Variants in RAPGEF5 observed in about 807,000 individuals in gnomAD.
RAPGEF5 encodes the protein M-Ras-regulated GEF.
RAPGEF5 carries 65 observed loss-of-function variants against 125.2 expected under a neutral mutation model. That is an observed-to-expected ratio of 0.52 (90% CI 0.43 to 0.64). The LOEUF is 0.64. Among genes scored for constraint, RAPGEF5 ranks in the 30% least tolerant of loss-of-function variants. RAPGEF5 has a pLI of 0.00. For missense variants in RAPGEF5, 958 were observed against 1,048.1 expected (o/e 0.91, Z 1.19); for synonymous variants, 391 against 385.9 (o/e 1.01, Z -0.16).
chr7:22,135,136 C>G (rs570330896), intron 23 of RAPGEF5, among the ~76,000 whole-genome samples: 1 of 152,290 alleles, frequency 6.6e-6, no homozygotes, highest in Non-Finnish European at 1.5e-5. Context: ...ATGGCCAGGC[C>G]AACCAGCAAT....
chr7:22,199,960 C>A (rs1373356191), intron 9 of RAPGEF5, among the ~76,000 whole-genome samples: 1 of 152,152 alleles, frequency 6.6e-6, no homozygotes, highest in African/African-American at 2.4e-5. Context: ...AGAGTCAGGG[C>A]TATGCTCTGC....
Position 22,154,044 on chromosome 7 carries a change from T to C in RAPGEF5, c.1786+411A>G, listed in dbSNP as rs10225612. Among the ~76,000 whole-genome samples, 741 of 152,260 alleles carry C rather than the reference T, an allele frequency of 4.9e-3. 7 individuals are homozygous for C. Among genetic ancestry groups the C allele is most frequent in the African/African-American group, 0.017 (710 of 41,548 alleles). On this transcript the variant is annotated intron_variant, in intron 17 of 25. Coordinates refer to ENST00000665637, the MANE Select transcript of RAPGEF5 (RefSeq NM_012294.5). Reference sequence around the variant, plus strand: ...GCTTATTGTACAGTTTGTCTTTCAATAGGGAGTCTTTAACTATTAAATTGT... The same window carrying C: ...GCTTATTGTACAGTTTGTCTTTCAACAGGGAGTCTTTAACTATTAAATTGT...
chr7:22,320,283 G>C (rs1783689425), intron 1 of RAPGEF5, among the ~76,000 whole-genome samples: 1 of 152,110 alleles, frequency 6.6e-6, no homozygotes, highest in African/African-American at 2.4e-5. Context: ...ACTCAGTCAA[G>C]CACTGACTCC....
intron 7 of RAPGEF5, among the ~76,000 whole-genome samples, chr7:22,250,576 C>G (rs17146469): frequency 0.022 from 3,422 of 152,158 alleles, 137 homozygotes; most frequent in African/African-American, 0.078. Context: ...GAAGGATGGA[C>G]ACTAGCTGGG....
chr7:22,189,944 G>C (rs115190507), intron 11 of RAPGEF5, among the ~76,000 whole-genome samples: 1 of 152,122 alleles, frequency 6.6e-6, no homozygotes, highest in Non-Finnish European at 1.5e-5. Flanking sequence ...TGGTTTGCTT[G>C]TTCCTTATCA....
At chr7:22,329,106 T>C (rs1410969016) in intron 1 of RAPGEF5, among the ~76,000 whole-genome samples, 4 of 152,262 alleles carry the variant, frequency 2.6e-5, no homozygotes, top group Non-Finnish European at 5.9e-5. Flanking sequence ...TAAGGGATTC[T>C]ATTTTTAGAA....
intron 3 of RAPGEF5, among the ~76,000 whole-genome samples, chr7:22,312,381 AT>A: frequency 6.6e-6 from 1 of 152,130 alleles, no homozygotes; most frequent in African/African-American, 2.4e-5. Context: ...GCTAATTCTT[AT>A]ATTTTTAGTA....
intron 2 of RAPGEF5, among the ~76,000 whole-genome samples, chr7:22,316,487 A>ATTTTTT (rs879849683): frequency 8.8e-5 from 3 of 34,134 alleles, no homozygotes; most frequent in South Asian, 1.1e-3. Flanking sequence ...ATATATATAT[A>ATTTTTT]TATTTTTTTT....
chr7:22,156,700 G>C (rs1677125971), intron 16 of RAPGEF5, 110 bp downstream of exon 16: 2 of 1,546,014 alleles, frequency 1.3e-6, no homozygotes, highest in South Asian at 1.2e-5. Context: ...GTGCTTATCT[G>C]AGGGGTGACA....
intron 7 of RAPGEF5, among the ~76,000 whole-genome samples, chr7:22,264,975 T>C (rs1044055920): frequency 5.3e-5 from 8 of 152,172 alleles, no homozygotes; most frequent in Non-Finnish European, 1.0e-4. Context: ...CTGCAATCTT[T>C]TTTTTAGAGT....
intron 23 of RAPGEF5, among the ~76,000 whole-genome samples, 194 bp from the exon 24 acceptor site, chr7:22,131,295 A>G (rs548286192): frequency 3.3e-5 from 5 of 152,090 alleles, no homozygotes; most frequent in Admixed American, 6.5e-5. Context: ...GTGTGTGTGT[A>G]TATGTGTGTG....
intron 5 of RAPGEF5, among the ~76,000 whole-genome samples, chr7:22,299,115 T>G (rs924077283): frequency 6.6e-6 from 1 of 152,052 alleles, no homozygotes; most frequent in Non-Finnish European, 1.5e-5. Flanking sequence ...ATTAATTCCT[T>G]CTTTGTAGTT....
chr7:22,145,293 T>G, intron 19 of RAPGEF5, 71 bp from the exon 20 acceptor site: 1 of 1,431,506 alleles, frequency 7.0e-7, no homozygotes, highest in Non-Finnish European at 9.4e-7. Context: ...TCGGTCAAAT[T>G]TTAAGAGCTA....
chr7:22,254,270 A>G (rs1456912499), intron 7 of RAPGEF5, among the ~76,000 whole-genome samples: 1 of 151,724 alleles, frequency 6.6e-6, no homozygotes, highest in African/African-American at 2.4e-5. Context: ...TGTTACTCAC[A>G]GTAGATCTGG....
At position 22,254,242 on chromosome 7, in the gene RAPGEF5, T is replaced by C. The variant is rs553541941; in HGVS notation, c.796+12722A>G. Among the ~76,000 whole-genome samples, 6 of 151,642 alleles carry C rather than the reference T, an allele frequency of 4.0e-5. No individual in the cohort carries two copies. The South Asian group carries it at 1.3e-3, about 32-fold the overall frequency. ...AAAACCTCTAAGTTTTCCAAAATCG[T>C]GTTACTGGTGATGTGATTGTTACTC... On this transcript the variant is annotated intron_variant, in intron 7 of 25. Transcript: ENST00000665637.
chr7:22,186,797 G>A (rs1784839001), intron 11 of RAPGEF5, among the ~76,000 whole-genome samples: 1 of 152,186 alleles, frequency 6.6e-6, no homozygotes, highest in South Asian at 2.1e-4. Context: ...GAAGAGATAT[G>A]ATGTAGTATA....
At position 22,146,877 on chromosome 7, in the gene RAPGEF5, T is replaced by C; in HGVS notation, c.2007+20A>G. ...CAGTTAAAACAGCATTTGTATTTTA[T>C]CTTGTCACTCCTCATTTACCTCGTG... is the stretch of plus-strand genomic sequence containing the variant. On this transcript the variant is annotated intron_variant, in intron 19 of 25. Transcript: ENST00000665637. The C allele has an allele frequency of 6.2e-7, 1 of 1,605,590 alleles. No homozygotes were observed. Among genetic ancestry groups the C allele is most frequent in the Non-Finnish European group, 8.5e-7 (1 of 1,176,914 alleles).
chr7:22,180,926 T>C (rs1436739712), intron 11 of RAPGEF5, among the ~76,000 whole-genome samples: 2 of 152,198 alleles, frequency 1.3e-5, no homozygotes, highest in Non-Finnish European at 2.9e-5. Flanking sequence ...CAAATTGTCA[T>C]AATAATTCTG....
chr7:22,301,225 T>C (rs1783190346), intron 5 of RAPGEF5, among the ~76,000 whole-genome samples: 2 of 152,222 alleles, frequency 1.3e-5, no homozygotes, highest in South Asian at 4.1e-4. Flanking sequence ...ATCAATAGAT[T>C]ATTCTTCATA....
Sources: allele counts gnomAD v4.1 joint callset (sites outside exome capture counted in the v4.1 genomes callset), GRCh38; gene constraint gnomAD v4.1.1; transcripts MANE v1.5; gene names NCBI Gene and HGNC (gene_info 2026-07-23, HGNC 2026-07-21).